The following LAMA3 variants were observed in gnomAD, a reference collection of about 807,000 sequenced individuals.
LAMA3 encodes the protein laminin subunit alpha-3.
Under a neutral mutation model 402.0 loss-of-function variants are expected in LAMA3, and 281 were observed. The observed-to-expected ratio is 0.70, with a 90% CI of 0.63 to 0.77. The LOEUF is 0.77. Ranked by LOEUF, LAMA3 falls within the 30% of genes least tolerant of loss-of-function variation. LAMA3 has a pLI of 0.00. For missense variants in LAMA3, 3,840 were observed against 4,215.5 expected (o/e 0.91, Z 2.47); for synonymous variants, 1,431 against 1,558.4 (o/e 0.92, Z 1.93).
At chr18:23,945,110 G>A (rs925797605) in intron 69 of LAMA3, among the ~76,000 whole-genome samples, 2 of 152,162 alleles carry the variant, frequency 1.3e-5, no homozygotes, top group African/African-American at 4.8e-5. Context: ...TCCAGCCTGG[G>A]CGACAGAGCA....
rs2081306654 is a variant in LAMA3, at chr18:23,907,994, G to C, written c.7015+59G>C. On this transcript the variant is annotated intron_variant, in intron 54 of 74. Transcript: ENST00000313654. The stretch of plus-strand genomic sequence containing the variant: ...CATTCTCTCCATTGTTATGTGTTTT[G>C]GTCCATTTCCATTCTTCCCTGGTAA... 2.6e-6 allele frequency: 4 copies of C among 1,545,918 alleles called. 1 individual carries two copies. In the African/African-American group the frequency reaches 5.4e-5, roughly 21 times the overall value.
chr18:23,920,928 G>C lies in LAMA3; in HGVS notation c.7924-7G>C, dbSNP rs1307491907. ...TTCTGGTCATCTGCATTGTTCCTCTGTCCTAGGATCGCTTCATATCTCTAA... is the reference window on the plus strand; with the variant it reads ...TTCTGGTCATCTGCATTGTTCCTCTCTCCTAGGATCGCTTCATATCTCTAA... On this transcript the variant is annotated splice_polypyrimidine_tract_variant and splice_region_variant and intron_variant, in intron 60 of 74. Transcript: ENST00000313654. 1 of 1,613,834 alleles carries C rather than the reference G, an allele frequency of 6.2e-7. No individual in the cohort carries two copies. The highest frequency in any genetic ancestry group is 1.1e-5 in the South Asian group (1 of 91,070).
chr18:23,835,496 C>A (rs1211356773), intron 24 of LAMA3, among the ~76,000 whole-genome samples: 1 of 152,116 alleles, frequency 6.6e-6, no homozygotes, highest in Non-Finnish European at 1.5e-5. Flanking sequence ...TGTCAGTCTG[C>A]AGATCATTTT....
chr18:23,938,693 C>T (rs1212568419), intron 67 of LAMA3, among the ~76,000 whole-genome samples: 1 of 151,882 alleles, frequency 6.6e-6, no homozygotes, highest in Non-Finnish European at 1.5e-5. Flanking sequence ...CCCCCTCAAG[C>T]GACACTGCAG....
intron 62 of LAMA3, among the ~76,000 whole-genome samples, chr18:23,923,820 C>T (rs762661500): frequency 6.6e-6 from 1 of 152,048 alleles, no homozygotes; most frequent in Non-Finnish European, 1.5e-5. Context: ...AACACAAGGC[C>T]CCTAGACAGT....
chr18:23,689,591 T>C lies in LAMA3; in HGVS notation c.-93T>C. On this transcript the variant is annotated 5_prime_UTR_variant, in exon 1 of 75. Coordinates refer to ENST00000313654, the MANE Select transcript of LAMA3 (RefSeq NM_198129.4). Reference sequence around the variant, plus strand: ...CCCATATCCCCGGCTGCGCTAGTCCTGGCGCTGCAGGTCCGGGAGGCGCAG... The same window carrying C: ...CCCATATCCCCGGCTGCGCTAGTCCCGGCGCTGCAGGTCCGGGAGGCGCAG... The C allele has an allele frequency of 8.6e-7, 1 of 1,164,774 alleles. No homozygotes were observed. Among genetic ancestry groups the C allele is most frequent in the Non-Finnish European group, 1.1e-6 (1 of 929,598 alleles). The allele number at this position is 1,164,774 out of a possible 1,614,324, so 72.2% of individuals were successfully genotyped here.
intron 1 of LAMA3, among the ~76,000 whole-genome samples, chr18:23,699,727 C>T (rs2060756779): frequency 6.6e-6 from 1 of 152,184 alleles, no homozygotes; most frequent in South Asian, 2.1e-4. Context: ...AGCTGCCAAA[C>T]ACCCCACTGA....
chr18:23,789,985 A>G (rs1392089418), intron 12 of LAMA3, among the ~76,000 whole-genome samples: 1 of 152,222 alleles, frequency 6.6e-6, no homozygotes, highest in Non-Finnish European at 1.5e-5. Context: ...TGATCACATA[A>G]TGTGCATTTG....
In LAMA3 at chr18:23,871,626, G is replaced by T; in HGVS notation, c.4963G>T (p.Ala1655Ser). ...CATAGCACTTGCTGTGGAAATCTGT[G>T]CCTGCCCCCCTGCCTACGCTGGTGA... The part of the protein sequence containing the change: ...GRIALAVEIC[A>S]CPPAYAGDSC... The change falls in exon 38 of 75, where the codon GCC becomes TCC. Residue 1655 changes from alanine (A) to serine (S), a missense_variant. Ala to Ser is a moderately conservative substitution (Grantham distance 99). Coordinates refer to ENST00000313654, the MANE Select transcript of LAMA3 (RefSeq NM_198129.4). 1 of 1,612,774 alleles carries T rather than the reference G, an allele frequency of 6.2e-7. No individual in the cohort carries two copies. Among genetic ancestry groups the T allele is most frequent in the Non-Finnish European group, 8.5e-7 (1 of 1,179,380 alleles).
chr18:23,783,964 G>A (rs2062488424), intron 11 of LAMA3, 59 bp from the exon 12 acceptor site: 1 of 1,601,578 alleles, frequency 6.2e-7, no homozygotes, highest in Non-Finnish European at 8.6e-7. Flanking sequence ...GGGGAAGGGA[G>A]AAATTAAGAA....
At chr18:23,872,484 G>A (rs1308341507) in intron 38 of LAMA3, among the ~76,000 whole-genome samples, 1 of 152,068 alleles carries the variant, frequency 6.6e-6, no homozygotes, top group African/African-American at 2.4e-5. Flanking sequence ...ACATCCATAA[G>A]TACGTAGGCT....
chr18:23,797,843 A>C (rs1342021158), intron 12 of LAMA3, among the ~76,000 whole-genome samples: 2 of 152,188 alleles, frequency 1.3e-5, no homozygotes, highest in Admixed American at 6.5e-5. Context: ...TCCTAAGTAC[A>C]ATGCAGTATT....
intron 2 of LAMA3, among the ~76,000 whole-genome samples, chr18:23,738,157 T>G (rs2061506788): frequency 6.7e-6 from 1 of 150,264 alleles, no homozygotes; most frequent in Non-Finnish European, 1.5e-5. Context: ...GGGGAGTGAG[T>G]CCCCGCACAG....
At chr18:23,762,399 G>C (rs1406441460) in intron 7 of LAMA3, among the ~76,000 whole-genome samples, 2 of 151,636 alleles carry the variant, frequency 1.3e-5, no homozygotes, top group African/African-American at 4.8e-5. Context: ...GACCAGCCTG[G>C]TCAACATGGT....
chr18:23,736,945 C>T (rs2061485661), intron 2 of LAMA3, among the ~76,000 whole-genome samples: 1 of 152,138 alleles, frequency 6.6e-6, no homozygotes, highest in South Asian at 2.1e-4. Context: ...CTCTTAAGAC[C>T]CAGACTGCAT....
Position 23,816,498 on chromosome 18 carries a change from G to A in LAMA3, c.2147+11G>A, listed in dbSNP as rs376575326. On this transcript the variant is annotated intron_variant, in intron 18 of 74. Coordinates refer to ENST00000313654, the MANE Select transcript of LAMA3 (RefSeq NM_198129.4). ...AAAGGTGTGCCAGCGGTGAGTCTTC[G>A]GGAGGCTTCTTCCCATGTTCAGGGT... The A allele has an allele frequency of 2.3e-4, 374 of 1,607,254 alleles. No individual in the cohort carries two copies. The highest frequency in any genetic ancestry group is 3.0e-4 in the Non-Finnish European group (347 of 1,174,462).
In LAMA3 at chr18:23,909,171, A is replaced by G; in HGVS notation, c.7034A>G (p.Lys2345Arg). 1 of 1,614,092 alleles carries G rather than the reference A, an allele frequency of 6.2e-7. No homozygotes were observed. The highest frequency in any genetic ancestry group is 8.5e-7 in the Non-Finnish European group (1 of 1,179,974). Residue 2345 changes from lysine to arginine, a missense_variant, in exon 55 of 75, where the codon AAA (lysine) becomes AGA (arginine). Coordinates refer to ENST00000313654, the MANE Select transcript of LAMA3 (RefSeq NM_198129.4). Reference sequence around the variant, plus strand: ...CCAACAGTGAATAAGTTAACCAACAAACTACCTGATCTTTGGCGCAAGATT... The same window carrying G: ...CCAACAGTGAATAAGTTAACCAACAGACTACCTGATCTTTGGCGCAAGATT... ...ADNSVNKLTN[K>R]LPDLWRKIES... is the part of the protein sequence containing the mutation.
intron 2 of LAMA3, among the ~76,000 whole-genome samples, chr18:23,720,543 A>G (rs2061192167): frequency 6.6e-6 from 1 of 151,980 alleles, no homozygotes; most frequent in Non-Finnish European, 1.5e-5. Flanking sequence ...TTTTAGTGTG[A>G]TGGGGTTTCA....
intron 8 of LAMA3, among the ~76,000 whole-genome samples, chr18:23,768,167 A>C (rs1260357100): frequency 3.7e-5 from 1 of 26,908 alleles, no homozygotes; most frequent in Non-Finnish European, 9.7e-5. Flanking sequence ...CTATACTACA[A>C]AAAAAAAAAA....
Sources: allele counts gnomAD v4.1 joint callset (sites outside exome capture counted in the v4.1 genomes callset), GRCh38; gene constraint gnomAD v4.1.1; transcripts MANE v1.5; gene names NCBI Gene and HGNC (gene_info 2026-07-23, HGNC 2026-07-21).